Variants in IL1RAPL2 observed in about 807,000 individuals in gnomAD.
The protein encoded by IL1RAPL2 is X-linked interleukin-1 receptor accessory protein-like 2.
In IL1RAPL2, 3 loss-of-function variants were observed where a neutral mutation model predicts 44.1. That is an observed-to-expected ratio of 0.07 (90% CI 0.03 to 0.18). The LOEUF is 0.18. Ranked by LOEUF, IL1RAPL2 falls within the 10% of genes least tolerant of loss-of-function variation. IL1RAPL2 has a pLI of 1.00. For missense variants in IL1RAPL2, 391 were observed against 496.4 expected, an observed-to-expected ratio of 0.79 and a Z score of 2.02; for synonymous variants, 181 against 178.8, an observed-to-expected ratio of 1.01 and a Z score of -0.10.
At chrX:104,904,530 T>C (rs1405316730) in intron 2 of IL1RAPL2, among the ~76,000 whole-genome samples, 6 of 98,131 alleles carry the variant, frequency 6.1e-5, no homozygotes, top group East Asian at 3.4e-4. Flanking sequence ...TCAATTCCCA[T>C]CTATGAGTGA....
At chrX:105,695,192 T>TA (rs2038067174) in intron 6 of IL1RAPL2, among the ~76,000 whole-genome samples, 1 of 112,213 alleles carries the variant, frequency 8.9e-6, no homozygotes, top group African/African-American at 3.2e-5. Flanking sequence ...AATTTCCATG[T>TA]AAAAAACTTA....
intron 2 of IL1RAPL2, among the ~76,000 whole-genome samples, chrX:104,953,358 T>G (rs1403127472): frequency 8.9e-6 from 1 of 112,204 alleles, no homozygotes; most frequent in Non-Finnish European, 1.9e-5. Flanking sequence ...GAATCCTTTA[T>G]AAATTTGGAT....
In IL1RAPL2 at chrX:104,741,121, A is replaced by T. The variant is rs185799052; in HGVS notation, c.82+82126A>T. Among the ~76,000 whole-genome samples the T allele has an allele frequency of 8.6e-4, 96 of 111,656 alleles. 1 individual carries two copies. Among genetic ancestry groups the T allele is most frequent in the Admixed American group, 3.0e-3 (31 of 10,492 alleles). On this transcript the variant is annotated intron_variant, in intron 2 of 10. Transcript: ENST00000372582. The stretch of plus-strand genomic sequence containing the variant: ...CATTGTAATAAGATTCATACTTACC[A>T]AACATAATAGTTGTGGTGCAACTAA...
At chrX:104,600,663 C>T (rs189530353) in intron 1 of IL1RAPL2, among the ~76,000 whole-genome samples, 2 of 110,472 alleles carry the variant, frequency 1.8e-5, no homozygotes, top group African/African-American at 6.6e-5. Context: ...TCAACACTTG[C>T]CCCATTCCCT....
intron 7 of IL1RAPL2, among the ~76,000 whole-genome samples, chrX:105,732,490 C>G (rs1005064010): frequency 3.6e-5 from 4 of 110,338 alleles, no homozygotes; most frequent in African/African-American, 1.3e-4. Context: ...CCTACTCCTG[C>G]TATGTGAGGA....
intron 6 of IL1RAPL2, among the ~76,000 whole-genome samples, chrX:105,527,638 A>T (rs1046042027): frequency 9.0e-6 from 1 of 111,281 alleles, no homozygotes; most frequent in Non-Finnish European, 1.9e-5. Flanking sequence ...ATTTCCAAAT[A>T]CTGTATATGA....
intron 2 of IL1RAPL2, among the ~76,000 whole-genome samples, chrX:104,809,268 T>A (rs888790653): frequency 9.0e-6 from 1 of 111,662 alleles, no homozygotes; most frequent in Non-Finnish European, 1.9e-5. Flanking sequence ...GGTCAAATGG[T>A]ATTTCTAGTT....
chrX:105,149,106 C>T (rs1416118668), intron 2 of IL1RAPL2, among the ~76,000 whole-genome samples: 2 of 112,165 alleles, frequency 1.8e-5, no homozygotes, highest in Non-Finnish European at 3.8e-5. Flanking sequence ...GTATACAAGG[C>T]TTTTAAAAAC....
At chrX:105,313,869 C>A (rs1225152589) in intron 5 of IL1RAPL2, among the ~76,000 whole-genome samples, 1 of 111,131 alleles carries the variant, frequency 9.0e-6, no homozygotes, top group Non-Finnish European at 1.9e-5. Flanking sequence ...ACAGAGCTCA[C>A]CATACACTCA....
intron 2 of IL1RAPL2, among the ~76,000 whole-genome samples, chrX:105,110,730 A>G (rs1452993234): frequency 4.5e-5 from 5 of 111,431 alleles, no homozygotes; most frequent in African/African-American, 1.6e-4. Flanking sequence ...CGAGGTCAGG[A>G]GTTTGAGACC....
At chrX:105,248,061 C>A (rs2034237304) in intron 4 of IL1RAPL2, among the ~76,000 whole-genome samples, 1 of 111,004 alleles carries the variant, frequency 9.0e-6, no homozygotes, top group South Asian at 3.8e-4. Flanking sequence ...GTTGACAGGA[C>A]AGAACTACCT....
At chrX:104,773,707 T>A (rs1932675529) in intron 2 of IL1RAPL2, among the ~76,000 whole-genome samples, 1 of 112,332 alleles carries the variant, frequency 8.9e-6, no homozygotes, top group Non-Finnish European at 1.9e-5. Context: ...CTGGAGTTGC[T>A]ACAGCCATCA....
At chrX:105,597,070 C>A (rs2037216506) in intron 6 of IL1RAPL2, among the ~76,000 whole-genome samples, 1 of 111,623 alleles carries the variant, frequency 9.0e-6, no homozygotes, top group African/African-American at 3.3e-5. Flanking sequence ...AATTATATAT[C>A]TGATAAGAGG....
chrX:105,011,841 GTATTAA>G (rs1320247838), intron 2 of IL1RAPL2, among the ~76,000 whole-genome samples: 3 of 110,112 alleles, frequency 2.7e-5, no homozygotes, highest in Non-Finnish European at 5.7e-5. Context: ...AATTGTGATG[GTATTAA>G]TATTAATAGT....
At chrX:104,866,859 A>G (rs778858822) in intron 2 of IL1RAPL2, among the ~76,000 whole-genome samples, 1 of 111,424 alleles carries the variant, frequency 9.0e-6, no homozygotes, top group African/African-American at 3.3e-5. Context: ...CCAAAAATGA[A>G]TGTGTGTTTC....
rs893515826 is a variant in IL1RAPL2, at chrX:105,025,208, T to C, written c.83-170267T>C. ...TCAAAATACTTTTTCTAGTTCTCCC[T>C]GCTTATTATCACAGGAGAAAGCTAA... On this transcript the variant is annotated intron_variant, in intron 2 of 10. Transcript: ENST00000372582. 4.5e-5 allele frequency among the ~76,000 whole-genome samples: 5 copies of C among 111,677 alleles called. No homozygotes were observed. In the East Asian group the frequency reaches 1.1e-3, roughly 25 times the overall value.
At chrX:105,054,178 TAC>T (rs764275148) in intron 2 of IL1RAPL2, among the ~76,000 whole-genome samples, 14 of 110,035 alleles carry the variant, frequency 1.3e-4, no homozygotes, top group Non-Finnish European at 1.1e-4. Context: ...TACACACGCA[TAC>T]ACACACACTC....
intron 3 of IL1RAPL2, among the ~76,000 whole-genome samples, chrX:105,225,009 C>G (rs1048364490): frequency 4.5e-5 from 5 of 111,524 alleles, no homozygotes; most frequent in Admixed American, 9.5e-5. Flanking sequence ...GTCAGGGAAC[C>G]TTTCAAATTT....
At chrX:104,639,059 T>C (rs1380839788) in intron 1 of IL1RAPL2, among the ~76,000 whole-genome samples, 2 of 112,340 alleles carry the variant, frequency 1.8e-5, no homozygotes, top group Non-Finnish European at 3.8e-5. Flanking sequence ...TACATGTTCA[T>C]AATAGTTATA....
Sources: gnomAD v4.1 joint callset for allele counts (sites outside exome capture counted in the v4.1 genomes callset) on GRCh38, gnomAD v4.1.1 for gene constraint, MANE v1.5 for transcripts, NCBI Gene and HGNC (gene_info 2026-07-23, HGNC 2026-07-21) for gene names.